The following SCAPER variants were observed in gnomAD, a reference collection of about 807,000 sequenced individuals.
The protein encoded by SCAPER is S phase cyclin A-associated protein in the endoplasmic reticulum.
In SCAPER, 98 loss-of-function variants were observed where a neutral mutation model predicts 182.2. The ratio of observed to expected loss-of-function variants is 0.54; its 90% CI spans 0.46 to 0.64. The LOEUF (loss-of-function observed/expected upper bound fraction) is 0.64. SCAPER is among the 30% of genes least tolerant of loss of function. SCAPER has a pLI of 0.00. For missense variants in SCAPER, 1,432 were observed against 1,690.0 expected (o/e 0.85, Z 2.68); for synonymous variants, 605 against 564.6 (o/e 1.07, Z -1.01).
At chr15:76,625,020 T>C (rs1403068288) in intron 21 of SCAPER, among the ~76,000 whole-genome samples, 3 of 152,114 alleles carry the variant, frequency 2.0e-5, no homozygotes, top group Admixed American at 6.5e-5. Flanking sequence ...CCCACGGTGA[T>C]GGCAATGACA....
intron 2 of SCAPER, among the ~76,000 whole-genome samples, chr15:76,882,063 C>T (rs1227698627): frequency 6.6e-6 from 1 of 151,886 alleles, no homozygotes; most frequent in East Asian, 1.9e-4. Context: ...CCCTAAAAAT[C>T]AAAAAGAAGC....
chr15:76,530,143 T>C (rs2043526228), intron 23 of SCAPER, among the ~76,000 whole-genome samples: 1 of 152,208 alleles, frequency 6.6e-6, no homozygotes, highest in African/African-American at 2.4e-5. Flanking sequence ...AAACAGTTTT[T>C]AGGAATGCAG....
intron 25 of SCAPER, 149 bp from the exon 26 acceptor site, chr15:76,434,459 AT>A (rs1473095333): frequency 1.6e-6 from 1 of 625,838 alleles, no homozygotes; most frequent in Non-Finnish European, 2.7e-6. Flanking sequence ...GCAAGTTCAA[AT>A]CTGAGCTTTA....
chr15:76,621,969 T>C (rs527728140), intron 21 of SCAPER, 140 bp from the exon 22 acceptor site: 94 of 603,246 alleles, frequency 1.6e-4, no homozygotes, highest in African/African-American at 1.5e-3. Context: ...ACTACCTATG[T>C]ACCTCAAGAG....
chr15:76,424,886 T>C (rs1321308079), intron 26 of SCAPER, among the ~76,000 whole-genome samples: 2 of 152,168 alleles, frequency 1.3e-5, no homozygotes, highest in Non-Finnish European at 2.9e-5. Flanking sequence ...AAGCTTAGTT[T>C]GGCAGGATAT....
intron 8 of SCAPER, chr15:76,793,097 A>T (rs1222305914): frequency 9.1e-6 from 5 of 548,662 alleles, no homozygotes; most frequent in Non-Finnish European, 1.5e-5. Context: ...ATACCATTTT[A>T]GCTGGGTTTG....
intron 5 of SCAPER, 37 bp downstream of exon 5, chr15:76,841,697 G>A (rs1300979225): frequency 6.3e-7 from 1 of 1,594,452 alleles, no homozygotes; most frequent in Admixed American, 1.7e-5. Flanking sequence ...AAGAATCTGA[G>A]TTCAAATGGA....
chr15:76,798,639 C>T (rs183490439), intron 7 of SCAPER, among the ~76,000 whole-genome samples: 2 of 152,152 alleles, frequency 1.3e-5, no homozygotes, highest in African/African-American at 4.8e-5. Context: ...AAGCCAAAGA[C>T]AGACAATCTT....
At chr15:76,449,351 T>C (rs2048216284) in intron 25 of SCAPER, among the ~76,000 whole-genome samples, 1 of 152,232 alleles carries the variant, frequency 6.6e-6, no homozygotes, top group African/African-American at 2.4e-5. Context: ...TCTACAGATT[T>C]TGATCTGTAT....
At chr15:76,534,781 CT>C (rs1194227696) in intron 23 of SCAPER, among the ~76,000 whole-genome samples, 2 of 152,002 alleles carry the variant, frequency 1.3e-5, no homozygotes, top group Non-Finnish European at 2.9e-5. Flanking sequence ...ACAAATCAAA[CT>C]CTATTATAAT....
chr15:76,537,105 G>A (rs2044238084), intron 23 of SCAPER, among the ~76,000 whole-genome samples: 3 of 151,916 alleles, frequency 2.0e-5, no homozygotes, highest in Non-Finnish European at 2.9e-5. Flanking sequence ...ATGCTCATGG[G>A]TAGGAAGAAT....
chr15:76,723,224 T>A lies in SCAPER; in HGVS notation c.2165+5371A>T, dbSNP rs116811948. Among the ~76,000 whole-genome samples, 816 of 152,356 alleles carry A rather than the reference T, an allele frequency of 5.4e-3. 6 individuals carry two copies. The highest frequency in any genetic ancestry group is 0.019 in the African/African-American group (790 of 41,588). ...TCAGGAGCCGGTTGTTCAGTTTCCA[T>A]GAAGTTTAGCAGTTTTGAGTGAGTT... On this transcript the variant is annotated intron_variant, in intron 17 of 31. Coordinates refer to ENST00000563290, the MANE Select transcript of SCAPER (RefSeq NM_020843.4).
chr15:76,533,320 G>A (rs2043838118), intron 23 of SCAPER, among the ~76,000 whole-genome samples: 1 of 152,140 alleles, frequency 6.6e-6, no homozygotes, highest in Non-Finnish European at 1.5e-5. Context: ...ATATACAACT[G>A]TGGTCCCATA....
At chr15:76,615,512 C>G (rs991285425) in intron 22 of SCAPER, among the ~76,000 whole-genome samples, 6 of 151,158 alleles carry the variant, frequency 4.0e-5, no homozygotes, top group Admixed American at 2.0e-4. Flanking sequence ...CACACACACA[C>G]ACACACACAC....
intron 22 of SCAPER, among the ~76,000 whole-genome samples, chr15:76,607,916 G>T (rs142988870): frequency 1.3e-5 from 2 of 152,038 alleles, no homozygotes; most frequent in Admixed American, 1.3e-4. Context: ...TTATCCATTC[G>T]TCTAATTTTT....
At chr15:76,673,451 C>G (rs781207349) in intron 20 of SCAPER, among the ~76,000 whole-genome samples, 1 of 151,996 alleles carries the variant, frequency 6.6e-6, no homozygotes, top group African/African-American at 2.4e-5. Context: ...GATGGTGGTA[C>G]TATTAGTAAT....
At chr15:76,900,589 C>A (rs1014696340) in intron 1 of SCAPER, among the ~76,000 whole-genome samples, 4 of 152,148 alleles carry the variant, frequency 2.6e-5, no homozygotes, top group Admixed American at 1.3e-4. Context: ...TTGTTCAGAA[C>A]TGAAGTCTCA....
At chr15:76,899,155 CCTCTCCCTCTCG>C (rs989399680) in intron 1 of SCAPER, among the ~76,000 whole-genome samples, 2 of 151,940 alleles carry the variant, frequency 1.3e-5, no homozygotes, top group African/African-American at 4.8e-5. Context: ...ATATGCTCTC[CCTCTCCCTCTCG>C]CTCTCCGTCT....
intron 26 of SCAPER, among the ~76,000 whole-genome samples, chr15:76,407,726 C>T (rs143438672): frequency 2.1e-3 from 312 of 152,072 alleles, no homozygotes; most frequent in Non-Finnish European, 3.2e-3. Flanking sequence ...GACATTATAC[C>T]GAATTTCATT....
Sources: gnomAD v4.1 joint callset for allele counts (sites outside exome capture counted in the v4.1 genomes callset) on GRCh38, gnomAD v4.1.1 for gene constraint, MANE v1.5 for transcripts, NCBI Gene and HGNC (gene_info 2026-07-23, HGNC 2026-07-21) for gene names.